The following RBBP8 variants were observed in gnomAD, a reference collection of about 807,000 sequenced individuals.
The protein encoded by RBBP8 is DNA endonuclease RBBP8.
RBBP8 carries 88 observed loss-of-function variants against 108.3 expected under a neutral mutation model. The ratio of observed to expected loss-of-function variants is 0.81; its 90% CI spans 0.68 to 0.97. RBBP8 has a LOEUF of 0.97. Among genes scored for constraint, RBBP8 ranks in the 50% least tolerant of loss-of-function variants. The probability of loss-of-function intolerance (pLI) is 0.00; values close to 1 mark genes in which losing one functional copy is unlikely to be tolerated. For missense variants in RBBP8, 1,023 were observed against 1,049.0 expected (o/e 0.98, Z 0.34); for synonymous variants, 332 against 348.2 (o/e 0.95, Z 0.52).
chr18:23,002,551 A>T (rs890945466), intron 15 of RBBP8, among the ~76,000 whole-genome samples: 1 of 152,222 alleles, frequency 6.6e-6, no homozygotes, highest in Non-Finnish European at 1.5e-5. Context: ...CAGTAACTTT[A>T]TAATGTAGGA....
intron 4 of RBBP8, among the ~76,000 whole-genome samples, chr18:22,958,157 T>A (rs1912749190): frequency 6.6e-6 from 1 of 152,230 alleles, no homozygotes; most frequent in Non-Finnish European, 1.5e-5. Context: ...AATAGTTATC[T>A]TCTTTTCTAT....
chr18:22,944,925 A>G (rs924574384), intron 2 of RBBP8, among the ~76,000 whole-genome samples: 2 of 152,218 alleles, frequency 1.3e-5, no homozygotes, highest in African/African-American at 2.4e-5. Context: ...TGTCTAAATT[A>G]TGTTGTCCAA....
At chr18:22,915,861 T>C (rs970584581) in intron 2 of RBBP8, among the ~76,000 whole-genome samples, 13 of 152,250 alleles carry the variant, frequency 8.5e-5, no homozygotes, top group African/African-American at 2.6e-4. Flanking sequence ...AAGAACTAGA[T>C]ATACATTTAT....
Position 22,957,876 on chromosome 18 carries a change from G to A in RBBP8, c.248+8163G>A, listed in dbSNP as rs562149987. ...ATATTGCTTCATTTTGTTTCATTTT[G>A]TAACCATCTAGCCAGTGATATTTTA... On this transcript the variant is annotated intron_variant, in intron 4 of 18. Coordinates refer to ENST00000327155, the MANE Select transcript of RBBP8 (RefSeq NM_002894.3). 1.5e-4 allele frequency among the ~76,000 whole-genome samples: 23 copies of A among 152,186 alleles called. No homozygotes were observed. The South Asian group carries it at 4.8e-3, about 32-fold the overall frequency.
At chr18:22,944,583 G>T (rs2144450889) in intron 2 of RBBP8, among the ~76,000 whole-genome samples, 1 of 152,244 alleles carries the variant, frequency 6.6e-6, no homozygotes, top group East Asian at 1.9e-4. Context: ...TCTAATGTTT[G>T]GCTAAGACTG....
intron 3 of RBBP8, among the ~76,000 whole-genome samples, chr18:22,918,935 T>A (rs1185128757): frequency 6.6e-6 from 1 of 152,196 alleles, no homozygotes; most frequent in Non-Finnish European, 1.5e-5. Context: ...CTTTCAGGAC[T>A]CTGGAATGTG....
At chr18:22,945,062 C>A (rs1338461973) in intron 2 of RBBP8, among the ~76,000 whole-genome samples, 1 of 147,172 alleles carries the variant, frequency 6.8e-6, no homozygotes, top group Non-Finnish European at 1.5e-5. Flanking sequence ...TGTGAACTAC[C>A]AAAGGCATAT....
chr18:22,982,183 G>C, intron 6 of RBBP8, 35 bp from the exon 7 acceptor site: 1 of 1,589,996 alleles, frequency 6.3e-7, no homozygotes, highest in Non-Finnish European at 8.6e-7. Context: ...AATACTCATT[G>C]AATTGATTTT....
At chr18:22,991,855 T>C (rs757809263) in intron 10 of RBBP8, among the ~76,000 whole-genome samples, 10 of 152,244 alleles carry the variant, frequency 6.6e-5, no homozygotes, top group Non-Finnish European at 1.0e-4. Context: ...TTTTTAGATA[T>C]ATAGATATCT....
At position 22,993,734 on chromosome 18, in the gene RBBP8, A is replaced by G. The variant is rs1219858007; in HGVS notation, c.1826A>G (p.His609Arg). Reference sequence around the variant, plus strand: ...TTTCTGTTTTAGAGTGCTGGTTCTCATGAGCCAATAAAAATACAAACCAGG... The same window carrying G: ...TTTCTGTTTTAGAGTGCTGGTTCTCGTGAGCCAATAAAAATACAAACCAGG... ...VLDDIKSAGS[H>R]EPIKIQTRSD... Residue 609 changes from histidine (H) to arginine (R), a missense_variant, in exon 12 of 19, where the codon CAT becomes CGT. His to Arg is a conservative substitution (Grantham distance 29). Coordinates refer to ENST00000327155, the MANE Select transcript of RBBP8 (RefSeq NM_002894.3). 6.2e-7 allele frequency: 1 copy of G among 1,614,184 alleles called. No homozygotes were observed. The highest frequency in any genetic ancestry group is 1.6e-4 in the Middle Eastern group (1 of 6,062).
chr18:23,012,205 CTCCAAAA>C (rs2046176512), intron 16 of RBBP8, among the ~76,000 whole-genome samples: 1 of 8,164 alleles, frequency 1.2e-4, no homozygotes, highest in African/African-American at 4.7e-4. Flanking sequence ...GAGATGCTGT[CTCCAAAA>C]AAAAAAAAAA....
At chr18:23,001,953 T>C (rs1340693488) in intron 15 of RBBP8, among the ~76,000 whole-genome samples, 1 of 152,224 alleles carries the variant, frequency 6.6e-6, no homozygotes, top group Admixed American at 6.5e-5. Context: ...CCTCTCCTTA[T>C]GTTAATGTGT....
At chr18:22,936,249 G>A (rs554131135) in intron 1 of RBBP8, among the ~76,000 whole-genome samples, 5 of 152,004 alleles carry the variant, frequency 3.3e-5, no homozygotes, top group Non-Finnish European at 7.4e-5. Context: ...CCACAGGCAC[G>A]CACTACCACA....
chr18:22,952,791 T>C (rs1001037034), intron 4 of RBBP8, among the ~76,000 whole-genome samples: 1 of 152,180 alleles, frequency 6.6e-6, no homozygotes, highest in African/African-American at 2.4e-5. Context: ...AGGGAACATA[T>C]CTCTCTCAGC....
intron 18 of RBBP8, among the ~76,000 whole-genome samples, chr18:23,025,138 G>C (rs1027230305): frequency 6.6e-6 from 1 of 152,076 alleles, no homozygotes. Flanking sequence ...TGTGGTCCCA[G>C]CAGTAACTCA....
intron 2 of RBBP8, among the ~76,000 whole-genome samples, chr18:22,945,368 A>ATTTTG (rs1007593478): frequency 6.6e-6 from 1 of 151,884 alleles, no homozygotes; most frequent in Non-Finnish European, 1.5e-5. Flanking sequence ...ATTTTATTTT[A>ATTTTG]TTTTGTTTTG....
intron 5 of RBBP8, among the ~76,000 whole-genome samples, chr18:22,971,641 C>CTTTT (rs919907678): frequency 5.4e-4 from 59 of 109,226 alleles, no homozygotes; most frequent in East Asian, 1.0e-3. Flanking sequence ...TGTTTAATTT[C>CTTTT]TTTTTTTTTT....
In RBBP8 at chr18:22,990,529, TGTG is replaced by T. The variant is rs200922757; in HGVS notation, c.808-404_808-402del. Among the ~76,000 whole-genome samples, 1,206 of 152,348 alleles carry T rather than the reference TGTG, an allele frequency of 7.9e-3. 2 individuals carry two copies. The highest frequency in any genetic ancestry group is 0.013 in the Non-Finnish European group (853 of 68,032). ...TTAAAAAGTGCTTCATATTTTTCATTGTGGTGAAATTAACATAACATAAATTAA... is the reference window on the plus strand; with the variant it reads ...TTAAAAAGTGCTTCATATTTTTCATTGTGAAATTAACATAACATAAATTAA... On this transcript the variant is annotated intron_variant, in intron 9 of 18. Transcript: ENST00000327155.
At chr18:22,966,677 C>T (rs1913625502) in intron 4 of RBBP8, among the ~76,000 whole-genome samples, 1 of 148,330 alleles carries the variant, frequency 6.7e-6, no homozygotes, top group Admixed American at 6.7e-5. Context: ...GTGGCATATG[C>T]TACCATGCTG....
Sources: allele counts gnomAD v4.1 joint callset (sites outside exome capture counted in the v4.1 genomes callset), GRCh38; gene constraint gnomAD v4.1.1; transcripts MANE v1.5; gene names NCBI Gene and HGNC (gene_info 2026-07-23, HGNC 2026-07-21).